The following ROBO2 variants were observed in gnomAD, a reference collection of about 807,000 sequenced individuals.
The protein encoded by ROBO2 is roundabout homolog 2.
Under a neutral mutation model 160.8 loss-of-function variants are expected in ROBO2, and 53 were observed. The observed-to-expected ratio is 0.33, with a 90% CI of 0.26 to 0.41. The LOEUF is 0.41. Ranked by LOEUF, ROBO2 falls within the 10% of genes least tolerant of loss-of-function variation. The pLI, the probability that ROBO2 is intolerant of heterozygous loss-of-function variation, is 1.00. For synonymous variants in ROBO2, 664 were observed against 611.7 expected (o/e 1.09, Z -1.26); for missense variants, 1,577 against 1,722.4 (o/e 0.92, Z 1.49).
chr3:76,077,417 G>T (rs776060467), intron 2 of ROBO2, among the ~76,000 whole-genome samples: 16 of 152,032 alleles, frequency 1.1e-4, no homozygotes, highest in Non-Finnish European at 1.9e-4. Context: ...ACAAAAATTA[G>T]CCGTGTGTGG....
chr3:76,412,522 G>A (rs6808087), intron 2 of ROBO2, among the ~76,000 whole-genome samples: 25,981 of 152,128 alleles, frequency 0.17, 3,671 homozygotes, highest in African/African-American at 0.39. Context: ...CTTGCTAGGT[G>A]CAATGGGAGC....
At chr3:76,065,909 C>T (rs1257884404) in intron 2 of ROBO2, among the ~76,000 whole-genome samples, 3 of 151,810 alleles carry the variant, frequency 2.0e-5, no homozygotes, top group African/African-American at 7.3e-5. Flanking sequence ...CATGGCAGTG[C>T]AGATGATAAT....
intron 1 of ROBO2, among the ~76,000 whole-genome samples, chr3:75,929,172 C>CGTACGTGTGT (rs1491242354): frequency 8.8e-6 from 1 of 113,604 alleles, no homozygotes; most frequent in African/African-American, 4.4e-5. Flanking sequence ...CTGGATAAGA[C>CGTACGTGTGT]GTGTGTGTGT....
In ROBO2 at chr3:76,213,126, G is replaced by A. The variant is rs146771612; in HGVS notation, c.109+275524G>A. On this transcript the variant is annotated intron_variant, in intron 2 of 26. Transcript: ENST00000487694. ...TGTACAGAGGCATAGGGAAAGATGG[G>A]TAGAATTTCAATGATACATAACAGA... 2.9e-3 allele frequency among the ~76,000 whole-genome samples: 440 copies of A among 152,130 alleles called. 2 individuals are homozygous for A. The highest frequency in any genetic ancestry group is 0.01 in the African/African-American group (421 of 41,538).
chr3:76,078,245 A>G (rs761435208), intron 2 of ROBO2, among the ~76,000 whole-genome samples: 6 of 152,122 alleles, frequency 3.9e-5, no homozygotes, highest in Non-Finnish European at 7.4e-5. Context: ...CTATGACTTA[A>G]CCTATAACAT....
intron 2 of ROBO2, among the ~76,000 whole-genome samples, chr3:76,233,379 G>A (rs1440415010): frequency 6.6e-6 from 1 of 152,050 alleles, no homozygotes; most frequent in Non-Finnish European, 1.5e-5. Flanking sequence ...CCTGACCTGA[G>A]GTGATCCGCC....
chr3:77,611,422 G>T (rs1054989617), intron 21 of ROBO2, among the ~76,000 whole-genome samples: 4 of 152,078 alleles, frequency 2.6e-5, no homozygotes, highest in African/African-American at 9.7e-5. Flanking sequence ...TGGATTGGAG[G>T]ATGTGAGGCT....
intron 2 of ROBO2, among the ~76,000 whole-genome samples, chr3:76,740,603 T>C (rs2093786336): frequency 6.6e-6 from 1 of 152,186 alleles, no homozygotes; most frequent in Admixed American, 6.5e-5. Context: ...TTGACTTTGA[T>C]GACTAATGGA....
chr3:77,004,970 T>A (rs1304033869), intron 2 of ROBO2, among the ~76,000 whole-genome samples: 1 of 152,064 alleles, frequency 6.6e-6, no homozygotes, highest in Middle Eastern at 3.2e-3. Flanking sequence ...AAAGTCCTTT[T>A]CTCATCCCTC....
chr3:77,499,053 C>A (rs2087179409), intron 5 of ROBO2, among the ~76,000 whole-genome samples: 1 of 152,186 alleles, frequency 6.6e-6, no homozygotes, highest in African/African-American at 2.4e-5. Context: ...TTATCCATGT[C>A]TGTCTAAAAA....
chr3:76,811,086 A>AT (rs1386941220), intron 2 of ROBO2, among the ~76,000 whole-genome samples: 2 of 152,222 alleles, frequency 1.3e-5, no homozygotes, highest in African/African-American at 2.4e-5. Flanking sequence ...GCAGACATCA[A>AT]TTTTTTTCAA....
At chr3:77,590,406 T>G (rs2094151811) in intron 17 of ROBO2, among the ~76,000 whole-genome samples, 1 of 152,152 alleles carries the variant, frequency 6.6e-6, no homozygotes. Flanking sequence ...TCTGGAAAAT[T>G]AATGATACTT....
intron 2 of ROBO2, among the ~76,000 whole-genome samples, chr3:76,301,263 C>T (rs1219574694): frequency 6.6e-6 from 1 of 151,930 alleles, no homozygotes; most frequent in Non-Finnish European, 1.5e-5. Context: ...CAGCTATTTC[C>T]TAGTTTTTAA....
At chr3:76,040,169 A>G (rs1406471300) in intron 2 of ROBO2, among the ~76,000 whole-genome samples, 2 of 151,932 alleles carry the variant, frequency 1.3e-5, no homozygotes, top group Non-Finnish European at 2.9e-5. Flanking sequence ...TTTAGCAATT[A>G]TTTTAAGGGC....
At position 76,222,501 on chromosome 3, in the gene ROBO2, G is replaced by A. The variant is rs546979224; in HGVS notation, c.109+284899G>A. ...CCGCCCAACCCTTGAGATCTTATTGGGAAGCTGCTGATAACCAGTTTTAGG... is the reference window on the plus strand; with the variant it reads ...CCGCCCAACCCTTGAGATCTTATTGAGAAGCTGCTGATAACCAGTTTTAGG... On this transcript the variant is annotated intron_variant, in intron 2 of 26. Coordinates refer to the ROBO2 transcript ENST00000487694. Among the ~76,000 whole-genome samples the A allele has an allele frequency of 2.6e-5, 4 of 151,880 alleles. No individual in the cohort carries two copies. The South Asian group carries it at 8.3e-4, about 32-fold the overall frequency.
At chr3:77,129,564 C>T (rs1013008880) in intron 2 of ROBO2, among the ~76,000 whole-genome samples, 4 of 152,240 alleles carry the variant, frequency 2.6e-5, no homozygotes, top group Non-Finnish European at 2.9e-5. Flanking sequence ...AGTCGGTTGG[C>T]GAGAGGACAG....
At chr3:76,690,150 A>C (rs1456060673) in intron 2 of ROBO2, among the ~76,000 whole-genome samples, 1 of 152,140 alleles carries the variant, frequency 6.6e-6, no homozygotes, top group Admixed American at 6.6e-5. Context: ...AATCAGAGGA[A>C]GCATCTTATA....
At chr3:76,992,648 T>A (rs1488292362) in intron 2 of ROBO2, among the ~76,000 whole-genome samples, 1 of 151,882 alleles carries the variant, frequency 6.6e-6, no homozygotes, top group Non-Finnish European at 1.5e-5. Context: ...AAGAATTTTT[T>A]TTTTCTATAT....
chr3:77,169,395 C>T (rs532303620), intron 2 of ROBO2, among the ~76,000 whole-genome samples: 52 of 152,226 alleles, frequency 3.4e-4, no homozygotes, highest in African/African-American at 1.2e-3. Flanking sequence ...ACCAGACCAC[C>T]TCTAAATTAA....
Sources: allele counts gnomAD v4.1 joint callset (sites outside exome capture counted in the v4.1 genomes callset), GRCh38; gene constraint gnomAD v4.1.1; transcripts MANE v1.5; gene names NCBI Gene and HGNC (gene_info 2026-07-23, HGNC 2026-07-21).